The following SLC22A16 variants were observed in gnomAD, a reference collection of about 807,000 sequenced individuals.
SLC22A16 encodes WUGSC:RG331P03.1.
SLC22A16 carries 53 observed loss-of-function variants against 52.9 expected under a neutral mutation model. That is an observed-to-expected ratio of 1.00 (90% CI 0.80 to 1.26). The LOEUF is 1.26. SLC22A16 is among the 50% of genes most tolerant of loss of function. The pLI, the probability that SLC22A16 is intolerant of heterozygous loss-of-function variation, is 0.00. For missense variants in SLC22A16, 726 were observed against 704.0 expected (o/e 1.03, Z -0.35); for synonymous variants, 291 against 268.8 (o/e 1.08, Z -0.81).
At chr6:110,466,911 TGATAGATA>T (rs3045569) in intron 1 of SLC22A16, among the ~76,000 whole-genome samples, 10,742 of 140,586 alleles carry the variant, frequency 0.076, 452 homozygotes, top group Middle Eastern at 0.11. Context: ...AAAGAAAATG[TGATAGATA>T]GATAGATAGA....
At position 110,442,328 on chromosome 6, in the gene SLC22A16, A is replaced by C; in HGVS notation, c.1099T>G (p.Phe367Val). The C allele has an allele frequency of 6.2e-7, 1 of 1,614,222 alleles. No individual in the cohort carries two copies. The highest frequency in any genetic ancestry group is 2.2e-5 in the East Asian group (1 of 44,874). The change falls in exon 4 of 8, where the codon TTC becomes GTC. Residue 367 changes from phenylalanine (F) to valine (V), a missense_variant. Physicochemically the swap from Phe to Val is conservative, Grantham distance 50. Transcript: ENST00000368919. ...GAGTAGAATCCCAAACTTCCAGTGA[A>C]CCAGATTAGCCAAACGGTAAGTGTC... ...KRTLTVWLIW[F>V]TGSLGFYSFS...
At chr6:110,445,464 G>C (rs940874909) in intron 3 of SLC22A16, among the ~76,000 whole-genome samples, 54 of 152,190 alleles carry the variant, frequency 3.5e-4, no homozygotes, top group African/African-American at 1.2e-3. Flanking sequence ...GAGACAGCTG[G>C]GTCTGGTTTA....
intron 7 of SLC22A16, among the ~76,000 whole-genome samples, chr6:110,425,662 A>G (rs1326511085): frequency 1.3e-5 from 2 of 152,266 alleles, no homozygotes; most frequent in Non-Finnish European, 2.9e-5. Flanking sequence ...AGGGATCCAT[A>G]TAATTTCCTA....
intron 1 of SLC22A16, among the ~76,000 whole-genome samples, chr6:110,469,503 G>A (rs573084029): frequency 2.6e-5 from 4 of 152,252 alleles, no homozygotes; most frequent in South Asian, 4.2e-4. Flanking sequence ...AGCCAAGATC[G>A]TGCCACTGCA....
chr6:110,434,238 C>CA (rs888793741), intron 6 of SLC22A16, among the ~76,000 whole-genome samples: 5 of 151,528 alleles, frequency 3.3e-5, no homozygotes, highest in South Asian at 2.1e-4. Flanking sequence ...GACTCTGTCT[C>CA]AAAAAAAATA....
intron 2 of SLC22A16, among the ~76,000 whole-genome samples, chr6:110,447,292 T>C (rs1775215095): frequency 6.6e-6 from 1 of 152,012 alleles, no homozygotes; most frequent in Non-Finnish European, 1.5e-5. Context: ...TCCTCTCCCT[T>C]TCAGGACTTT....
intron 3 of SLC22A16, among the ~76,000 whole-genome samples, chr6:110,443,278 A>C (rs927779382): frequency 1.3e-5 from 2 of 152,254 alleles, no homozygotes; most frequent in Non-Finnish European, 2.9e-5. Context: ...AACACTATCA[A>C]TGGAGGGAAA....
chr6:110,443,796 T>C lies in SLC22A16; in HGVS notation c.652-1021A>G, dbSNP rs546992489. 9.6e-4 allele frequency among the ~76,000 whole-genome samples: 146 copies of C among 152,180 alleles called. 1 individual carries two copies. Among genetic ancestry groups the C allele is most frequent in the Non-Finnish European group, 3.7e-4 (25 of 68,034 alleles). On this transcript the variant is annotated intron_variant, in intron 3 of 7. Transcript: ENST00000368919. ...AACCCCCCAAGGGTCCGTCCATAGA[T>C]GAATAGATAAGAAAAATGTAGTCTA...
intron 1 of SLC22A16, among the ~76,000 whole-genome samples, chr6:110,460,303 G>A (rs1806314592): frequency 6.6e-6 from 1 of 152,066 alleles, no homozygotes. Flanking sequence ...TTCTTTATGT[G>A]GATCATATTT....
chr6:110,451,684 C>A (rs1348948336), intron 2 of SLC22A16, among the ~76,000 whole-genome samples: 2 of 152,118 alleles, frequency 1.3e-5, no homozygotes, highest in South Asian at 2.1e-4. Flanking sequence ...ATATGTAAAG[C>A]AAATATTTTC....
chr6:110,476,419 G>A, intron 1 of SLC22A16, 103 bp downstream of exon 1: 1 of 1,396,414 alleles, frequency 7.2e-7, no homozygotes. Context: ...AAGTGGAGAT[G>A]TTTTCGGATC....
intron 3 of SLC22A16, among the ~76,000 whole-genome samples, chr6:110,444,650 T>C (rs1241884332): frequency 6.6e-6 from 1 of 152,172 alleles, no homozygotes; most frequent in African/African-American, 2.4e-5. Flanking sequence ...CCTACAAGGA[T>C]ATTCCTGCTG....
intron 1 of SLC22A16, among the ~76,000 whole-genome samples, chr6:110,468,435 G>A (rs1582590799): frequency 6.6e-6 from 1 of 152,088 alleles, no homozygotes; most frequent in East Asian, 1.9e-4. Flanking sequence ...ACCTGAGGTT[G>A]GGAGTTCAAG....
chr6:110,445,131 G>A (rs994487010), intron 3 of SLC22A16, among the ~76,000 whole-genome samples: 1 of 152,044 alleles, frequency 6.6e-6, no homozygotes, highest in Non-Finnish European at 1.5e-5. Context: ...GATTGCCATT[G>A]CCTTTAGGAG....
rs141736685 is a variant in SLC22A16, at chr6:110,447,659, C to A, written c.534-669G>T. 4.1e-4 allele frequency among the ~76,000 whole-genome samples: 62 copies of A among 152,314 alleles called. No individual in the cohort carries two copies. In the East Asian group the frequency reaches 9.8e-3, roughly 24 times the overall value. ...ACTCTGTGCCCAGAAGCTGCCACCC[C>A]CTCTTCCCTGCTCCCTCCAGTCTCT... On this transcript the variant is annotated intron_variant, in intron 2 of 7. Coordinates refer to ENST00000368919, the MANE Select transcript of SLC22A16 (RefSeq NM_033125.4).
At chr6:110,462,848 G>GA (rs1175449814) in intron 1 of SLC22A16, among the ~76,000 whole-genome samples, 3 of 151,780 alleles carry the variant, frequency 2.0e-5, no homozygotes, top group Non-Finnish European at 1.5e-5. Context: ...TAATGCTAAA[G>GA]AAAAAAATCT....
At chr6:110,431,685 C>CTTTAAGCAACA (rs1774512779) in intron 6 of SLC22A16, among the ~76,000 whole-genome samples, 1 of 151,918 alleles carries the variant, frequency 6.6e-6, no homozygotes. Context: ...AAAACGGTGC[C>CTTTAAGCAACA]CATCATTAAG....
intron 1 of SLC22A16, among the ~76,000 whole-genome samples, chr6:110,457,576 T>C (rs1024542923): frequency 5.3e-5 from 8 of 152,222 alleles, no homozygotes; most frequent in Non-Finnish European, 8.8e-5. Context: ...GACATGATTA[T>C]ATATAAGTAT....
intron 1 of SLC22A16, among the ~76,000 whole-genome samples, chr6:110,457,714 C>T (rs1452520797): frequency 6.6e-6 from 1 of 152,116 alleles, no homozygotes; most frequent in Non-Finnish European, 1.5e-5. Flanking sequence ...TGAGAAGTGA[C>T]CAGAAGACAA....
Sources: allele counts gnomAD v4.1 joint callset (sites outside exome capture counted in the v4.1 genomes callset), GRCh38; gene constraint gnomAD v4.1.1; transcripts MANE v1.5; gene names NCBI Gene and HGNC (gene_info 2026-07-23, HGNC 2026-07-21).